Variants in KPNA1 observed in about 807,000 individuals in gnomAD.
The protein encoded by KPNA1 is importin subunit alpha-5.
Under a neutral mutation model 70.5 loss-of-function variants are expected in KPNA1, and 10 were observed. The observed-to-expected ratio is 0.14, with a 90% CI of 0.09 to 0.24. The LOEUF is 0.24. Among genes scored for constraint, KPNA1 ranks in the 10% least tolerant of loss-of-function variants. The pLI is 1.00. For synonymous variants in KPNA1, 192 were observed against 221.9 expected, an observed-to-expected ratio of 0.87 and a Z score of 1.20; for missense variants, 397 against 637.9, an observed-to-expected ratio of 0.62 and a Z score of 4.07.
intron 9 of KPNA1, among the ~76,000 whole-genome samples, chr3:122,444,249 T>G (rs940037258): frequency 6.6e-6 from 1 of 152,360 alleles, no homozygotes; most frequent in South Asian, 2.1e-4. Flanking sequence ...CACTGTTATC[T>G]TGTTCTTTTA....
intron 2 of KPNA1, among the ~76,000 whole-genome samples, chr3:122,477,247 T>C (rs1409073410): frequency 6.6e-6 from 1 of 152,144 alleles, no homozygotes; most frequent in Non-Finnish European, 1.5e-5. Context: ...GAGAGTATAA[T>C]GGTTGTTAAT....
intron 3 of KPNA1, among the ~76,000 whole-genome samples, chr3:122,465,049 ATCT>A (rs945061387): frequency 1.6e-4 from 24 of 152,208 alleles, no homozygotes; most frequent in Admixed American, 1.6e-3. Context: ...TTAAGCAAAT[ATCT>A]TTTTCTTCCC....
At chr3:122,433,188 A>G (rs1174995557) in intron 12 of KPNA1, 2 of 152,690 alleles carry the variant, frequency 1.3e-5, no homozygotes, top group African/African-American at 4.8e-5. Flanking sequence ...TGCCTCTACT[A>G]AATTTGGCAC....
chr3:122,457,892 C>T, intron 5 of KPNA1: 1 of 1,281,474 alleles, frequency 7.8e-7, no homozygotes, highest in Non-Finnish European at 1.0e-6. Context: ...GAAAAATAAA[C>T]CCAGATAGCA....
chr3:122,443,523 G>GT (rs2076093754), intron 9 of KPNA1, among the ~76,000 whole-genome samples: 1 of 152,216 alleles, frequency 6.6e-6, no homozygotes, highest in Admixed American at 6.5e-5. Flanking sequence ...CCTGAACCCC[G>GT]TGTAGCCTAT....
At chr3:122,453,599 C>T (rs929434340) in intron 6 of KPNA1, among the ~76,000 whole-genome samples, 3 of 151,922 alleles carry the variant, frequency 2.0e-5, no homozygotes, top group Non-Finnish European at 4.4e-5. Flanking sequence ...TGCAATGACG[C>T]GATCTCGGCT....
At chr3:122,456,322 G>A (rs1230816475) in intron 5 of KPNA1, among the ~76,000 whole-genome samples, 6 of 152,094 alleles carry the variant, frequency 3.9e-5, no homozygotes, top group African/African-American at 1.4e-4. Flanking sequence ...ATCAGATACT[G>A]CAAACATAAA....
rs575341196 is a variant in KPNA1, at chr3:122,474,580, A to C, written c.130-7151T>G. 1.3e-4 allele frequency among the ~76,000 whole-genome samples: 20 copies of C among 152,306 alleles called. No homozygotes were observed. The East Asian group carries it at 3.5e-3, about 26-fold the overall frequency. ...AAAAGGATAAAATACAATGGTGCAAAGGTAGTCTTTTCAATAAACGGTGCT... is the reference window on the plus strand; with the variant it reads ...AAAAGGATAAAATACAATGGTGCAACGGTAGTCTTTTCAATAAACGGTGCT... On this transcript the variant is annotated intron_variant, in intron 2 of 13. Transcript: ENST00000344337.
At chr3:122,474,823 C>A (rs1011319182) in intron 2 of KPNA1, among the ~76,000 whole-genome samples, 2 of 152,058 alleles carry the variant, frequency 1.3e-5, no homozygotes, top group African/African-American at 4.8e-5. Flanking sequence ...TTCATAAAAA[C>A]TCTCAACAAA....
intron 12 of KPNA1, among the ~76,000 whole-genome samples, chr3:122,429,138 A>T (rs901039849): frequency 6.6e-6 from 1 of 152,212 alleles, no homozygotes; most frequent in African/African-American, 2.4e-5. Context: ...ACAAAATCTA[A>T]TACCTATTCA....
At chr3:122,493,541 T>C (rs577459730) in intron 2 of KPNA1, among the ~76,000 whole-genome samples, 30 of 152,222 alleles carry the variant, frequency 2.0e-4, no homozygotes, top group African/African-American at 7.0e-4. Context: ...TTTTCTTAAT[T>C]GAGCTGTAAC....
At chr3:122,445,811 A>G (rs1358926506) in intron 9 of KPNA1, among the ~76,000 whole-genome samples, 1 of 152,194 alleles carries the variant, frequency 6.6e-6, no homozygotes, top group East Asian at 1.9e-4. Context: ...GCTCAAAATA[A>G]AGGGATGGAG....
At chr3:122,490,541 T>C (rs1380944500) in intron 2 of KPNA1, among the ~76,000 whole-genome samples, 2 of 152,236 alleles carry the variant, frequency 1.3e-5, no homozygotes, top group African/African-American at 2.4e-5. Context: ...TTTTACCCAA[T>C]GGGAGCTAGG....
rs146888808 is a variant in KPNA1 at position 122,445,102 on chromosome 3, T to A, written c.918-2986A>T. ...TTCAGAAGGTCGGTAATAACTAACT[T>A]CTCTGGGCTAAAGGAGCATGTTCTA... On this transcript the variant is annotated intron_variant, in intron 9 of 13. Transcript: ENST00000344337. 5.5e-3 allele frequency among the ~76,000 whole-genome samples: 839 copies of A among 152,126 alleles called. 4 individuals are homozygous for A. Among genetic ancestry groups the A allele is most frequent in the Non-Finnish European group, 8.8e-3 (597 of 67,982 alleles).
At chr3:122,495,012 G>A (rs954013924) in intron 2 of KPNA1, among the ~76,000 whole-genome samples, 1 of 152,124 alleles carries the variant, frequency 6.6e-6, no homozygotes, top group African/African-American at 2.4e-5. Context: ...AGCACTTTGG[G>A]AGGCTGAGGC....
chr3:122,445,233 A>G (rs1287101899), intron 9 of KPNA1, among the ~76,000 whole-genome samples: 2 of 152,242 alleles, frequency 1.3e-5, no homozygotes, highest in Admixed American at 1.3e-4. Context: ...GCTGAAAACC[A>G]TGGCACAAGA....
At chr3:122,435,388 A>G (rs1157101674) in intron 11 of KPNA1, among the ~76,000 whole-genome samples, 1 of 152,230 alleles carries the variant, frequency 6.6e-6, no homozygotes, top group Non-Finnish European at 1.5e-5. Context: ...CAATACAAAG[A>G]CAAAAGTAAA....
intron 2 of KPNA1, among the ~76,000 whole-genome samples, chr3:122,490,835 CTTCT>C (rs1413616696): frequency 1.3e-5 from 2 of 152,040 alleles, no homozygotes; most frequent in Admixed American, 6.5e-5. Flanking sequence ...ACTTACTTAA[CTTCT>C]TTAATTTTCT....
At chr3:122,487,675 G>A (rs907761152) in intron 2 of KPNA1, among the ~76,000 whole-genome samples, 2 of 152,168 alleles carry the variant, frequency 1.3e-5, no homozygotes, top group Non-Finnish European at 2.9e-5. Flanking sequence ...AATATTGTAC[G>A]AGTCTACTTA....
Sources: gnomAD v4.1 joint callset for allele counts (sites outside exome capture counted in the v4.1 genomes callset) on GRCh38, gnomAD v4.1.1 for gene constraint, MANE v1.5 for transcripts, NCBI Gene and HGNC (gene_info 2026-07-23, HGNC 2026-07-21) for gene names.